WFDC10B: variants seen among roughly 807,000 people sequenced by gnomAD.
The protein encoded by WFDC10B is WAP four-disulfide core domain 10B, also known as protein WFDC10B.
WFDC10B carries 1 observed loss-of-function variant against 2.7 expected under a neutral mutation model. That is an observed-to-expected ratio of 0.38 (90% CI 0.13 to 1.79). The LOEUF is 1.79. Ranked by LOEUF, WFDC10B falls within the 40% of genes most tolerant of loss-of-function variation. The pLI is 0.33. For missense variants in WFDC10B, 71 were observed against 87.8 expected, an observed-to-expected ratio of 0.81 and a Z score of 0.76; for synonymous variants, 26 against 32.2, an observed-to-expected ratio of 0.81 and a Z score of 0.65.
chr20:45,695,329 T>C (rs1260382282), intron 2 of WFDC10B, among the ~76,000 whole-genome samples: 1 of 152,204 alleles, frequency 6.6e-6, no homozygotes, highest in African/African-American at 2.4e-5. Context: ...GAATTGGTTG[T>C]TGGTGTTGGA....
In WFDC10B at chr20:45,693,156, G is replaced by A. The variant is rs188601224; in HGVS notation, c.-64-7100C>T. On this transcript the variant is annotated intron_variant, in intron 2 of 3. Transcript: ENST00000330523. ...GCAGAACAGTGGTTTTTCGTGAACC[G>A]CGAATGCTACTGTCTGATCGTTCCT... Among the ~76,000 whole-genome samples, 487 of 152,274 alleles carry A rather than the reference G, an allele frequency of 3.2e-3. 4 individuals are homozygous for A. The highest frequency in any genetic ancestry group is 0.011 in the African/African-American group (445 of 41,546).
intron 2 of WFDC10B, among the ~76,000 whole-genome samples, chr20:45,690,413 T>C (rs998057097): frequency 1.3e-5 from 2 of 152,050 alleles, no homozygotes; most frequent in African/African-American, 4.8e-5. Context: ...TCAGAAGGAA[T>C]GGTACCAGTT....
chr20:45,692,116 G>A (rs185418711), intron 2 of WFDC10B, among the ~76,000 whole-genome samples: 1 of 152,300 alleles, frequency 6.6e-6, no homozygotes, highest in East Asian at 1.9e-4. Context: ...GGCTGGATAT[G>A]AAATTCTGGG....
chr20:45,686,450 C>A (rs1055146546), intron 2 of WFDC10B, among the ~76,000 whole-genome samples: 28 of 151,948 alleles, frequency 1.8e-4, no homozygotes, highest in Non-Finnish European at 3.4e-4. Flanking sequence ...AATCACCTAT[C>A]TTTTGTTACC....
In WFDC10B at chr20:45,704,905, A is replaced by G; in HGVS notation, c.-130+13T>C. On this transcript the variant is annotated intron_variant, in intron 1 of 3. Transcript: ENST00000330523. ...CCGACCCAGAATCCACCCTTATCCC[A>G]GGGACACTGTACCTGCAGGTGTAAC... The G allele has an allele frequency of 2.5e-6, 4 of 1,613,582 alleles. No homozygotes were observed. Among genetic ancestry groups the G allele is most frequent in the Non-Finnish European group, 3.4e-6 (4 of 1,179,572 alleles).
Position 45,692,947 on chromosome 20 carries a change from A to G in WFDC10B, c.-64-6891T>C, listed in dbSNP as rs530190793. Among the ~76,000 whole-genome samples, 14 of 151,852 alleles carry G rather than the reference A, an allele frequency of 9.2e-5. No individual in the cohort carries two copies. The East Asian group carries it at 2.3e-3, about 25-fold the overall frequency. On this transcript the variant is annotated intron_variant, in intron 2 of 3. Coordinates refer to ENST00000330523, the MANE Select transcript of WFDC10B (RefSeq NM_172006.2). ...AGTTTTTCTGCTCTGTTTTTTCCCC[A>G]TCTTTGTGGTCTTATCTACTTTTGG... is the stretch of plus-strand genomic sequence containing the variant.
At chr20:45,702,741 A>G (rs889882972) in intron 2 of WFDC10B, among the ~76,000 whole-genome samples, 3 of 152,232 alleles carry the variant, frequency 2.0e-5, no homozygotes, top group African/African-American at 7.2e-5. Flanking sequence ...ACCGGTAATT[A>G]GCATCAATGG....
At position 45,704,828 on chromosome 20, in the gene WFDC10B, G is replaced by A; in HGVS notation, c.-130+90C>T. 3.5e-6 allele frequency: 5 copies of A among 1,429,342 alleles called. No individual in the cohort carries two copies. The East Asian group carries it at 1.1e-4, about 33-fold the overall frequency. 88.5% of individuals were successfully genotyped at this position (1,429,342 alleles called of 1,614,324 possible). ...CCCATCACCATATCCGTGAATTTCTGACTCTGCCTCTCTGAACACACCCAC... is the reference window on the plus strand; with the variant it reads ...CCCATCACCATATCCGTGAATTTCTAACTCTGCCTCTCTGAACACACCCAC... On this transcript the variant is annotated intron_variant, in intron 1 of 3. Coordinates refer to ENST00000330523, the MANE Select transcript of WFDC10B (RefSeq NM_172006.2).
At chr20:45,695,737 G>A (rs1600960345) in intron 2 of WFDC10B, among the ~76,000 whole-genome samples, 1 of 152,262 alleles carries the variant, frequency 6.6e-6, no homozygotes, top group East Asian at 1.9e-4. Context: ...TGTAATCCCA[G>A]CACTTTGGGA....
chr20:45,697,202 C>G (rs1006538170), intron 2 of WFDC10B, among the ~76,000 whole-genome samples: 2 of 151,938 alleles, frequency 1.3e-5, no homozygotes, highest in Non-Finnish European at 2.9e-5. Context: ...TAAACACCAG[C>G]AATGAGCAAT....
chr20:45,696,285 CAAAAAA>C (rs368423161), intron 2 of WFDC10B, among the ~76,000 whole-genome samples: 2 of 48,206 alleles, frequency 4.1e-5, no homozygotes, highest in African/African-American at 1.5e-4. Context: ...GACTCCGTCT[CAAAAAA>C]AAAAAAAAAA....
intron 2 of WFDC10B, among the ~76,000 whole-genome samples, chr20:45,693,529 A>G (rs1218871537): frequency 6.6e-6 from 1 of 152,084 alleles, no homozygotes; most frequent in Non-Finnish European, 1.5e-5. Context: ...AGCCTGTGCA[A>G]TGGTGGGCGC....
chr20:45,696,319 G>T, intron 2 of WFDC10B, among the ~76,000 whole-genome samples: 1 of 148,930 alleles, frequency 6.7e-6, no homozygotes, highest in African/African-American at 2.5e-5. Flanking sequence ...TCTCAAATCT[G>T]CAACCTAACT....
chr20:45,693,944 C>G (rs970057490), intron 2 of WFDC10B, among the ~76,000 whole-genome samples: 1 of 150,124 alleles, frequency 6.7e-6, no homozygotes, highest in East Asian at 2.0e-4. Context: ...AGCTGTAGAA[C>G]GGAGCTGTTC....
At chr20:45,685,117 T>C (rs1426601672) in intron 3 of WFDC10B, among the ~76,000 whole-genome samples, 157 bp from the exon 4 acceptor site, 1 of 152,048 alleles carries the variant, frequency 6.6e-6, no homozygotes, top group Non-Finnish European at 1.5e-5. Flanking sequence ...TCACCAATCC[T>C]AGTGATTGGC....
intron 2 of WFDC10B, among the ~76,000 whole-genome samples, chr20:45,698,875 G>A (rs1407420055): frequency 1.3e-5 from 2 of 151,366 alleles, no homozygotes; most frequent in African/African-American, 4.9e-5. Context: ...GGCTGAGGCA[G>A]GAGAATCGCT....
Position 45,684,707 on chromosome 20 carries a change from A to G in WFDC10B, c.*123T>C. ...GGGACAGGGAGTTCAGACACTGGGG[A>G]GGGTGGCATTCCTGTTGATGTTCTT... On this transcript the variant is annotated 3_prime_UTR_variant, in exon 4 of 4. Transcript: ENST00000330523. 7.6e-7 allele frequency: 1 copy of G among 1,318,602 alleles called. No homozygotes were observed. The highest frequency in any genetic ancestry group is 1.4e-5 in the South Asian group (1 of 72,716). The allele number at this position is 1,318,602 out of a possible 1,614,324, so 81.7% of individuals were successfully genotyped here.
At chr20:45,687,712 C>A (rs1284503455) in intron 2 of WFDC10B, among the ~76,000 whole-genome samples, 2 of 151,958 alleles carry the variant, frequency 1.3e-5, no homozygotes, top group African/African-American at 2.4e-5. Context: ...TTGTAACTGG[C>A]GTAAGATGGT....
intron 2 of WFDC10B, among the ~76,000 whole-genome samples, chr20:45,688,633 A>G (rs1360509549): frequency 1.3e-5 from 2 of 152,052 alleles, no homozygotes; most frequent in Non-Finnish European, 2.9e-5. Flanking sequence ...GGCTGCATAA[A>G]TGTCTTCTTT....
Sources: gnomAD v4.1 joint callset for allele counts (sites outside exome capture counted in the v4.1 genomes callset) on GRCh38, gnomAD v4.1.1 for gene constraint, MANE v1.5 for transcripts, NCBI Gene and HGNC (gene_info 2026-07-23, HGNC 2026-07-21) for gene names.